The following MYH8 variants were observed in gnomAD, a reference collection of about 807,000 sequenced individuals.
MYH8 encodes the protein myosin-8.
In MYH8, 168 loss-of-function variants were observed where a neutral mutation model predicts 233.2. The observed-to-expected ratio is 0.72, with a 90% confidence interval of 0.64 to 0.82. The LOEUF (loss-of-function observed/expected upper bound fraction) is 0.82. Among genes scored for constraint, MYH8 ranks in the 40% least tolerant of loss-of-function variants. The pLI, the probability that MYH8 is intolerant of heterozygous loss-of-function variation, is 0.00. For missense variants in MYH8, 1,995 were observed against 2,327.8 expected (o/e 0.86, Z 2.94); for synonymous variants, 785 against 850.6 (o/e 0.92, Z 1.34).
At position 10,412,582 on chromosome 17, in the gene MYH8, G is replaced by A. The variant is rs1242377217; in HGVS notation, c.1266+28C>T. 7.4e-6 allele frequency: 12 copies of A among 1,614,076 alleles called. No homozygotes were observed. In the African/African-American group the frequency reaches 1.6e-4, roughly 22 times the overall value. On this transcript the variant is annotated intron_variant, in intron 13 of 39. Transcript: ENST00000403437. ...GACATGCCATGAAGGCCTGAGATGT[G>A]TGTGATTCATTGAGGTCATGCACTT...
chr17:10,409,278 C>T lies in MYH8; in HGVS notation c.1897+1G>A. On this transcript the variant is annotated splice_donor_variant, in intron 16 of 39. Transcript: ENST00000403437. LOFTEE classifies it high-confidence loss of function. The stretch of plus-strand genomic sequence containing the variant: ...ATTTAGATTAAGGACACAGAAAGTA[C>T]CTGCTTCAGCACTAGCATACGTGGA... 2 of 1,614,164 alleles carry T rather than the reference C, an allele frequency of 1.2e-6. No individual in the cohort carries two copies. The highest frequency in any genetic ancestry group is 1.7e-6 in the Non-Finnish European group (2 of 1,180,004).
intron 34 of MYH8, 64 bp from the exon 35 acceptor site, chr17:10,394,516 G>A: frequency 3.9e-6 from 6 of 1,548,348 alleles, no homozygotes; most frequent in Non-Finnish European, 5.3e-6. Flanking sequence ...CCCAGGAGAT[G>A]AACTGGGAGA....
chr17:10,398,683 T>C (rs1458348321), intron 29 of MYH8, 43 bp from the exon 30 acceptor site: 4 of 1,614,016 alleles, frequency 2.5e-6, no homozygotes, highest in Non-Finnish European at 3.4e-6. Context: ...ATGTATTCAG[T>C]GATATTTAAC....
rs776751622 is a variant in MYH8 at position 10,415,253 on chromosome 17, G to A, written c.741+39C>T. On this transcript the variant is annotated intron_variant, in intron 8 of 39. Transcript: ENST00000403437. The surrounding 1 kb of genome is among the most constrained non-coding windows in gnomAD (Gnocchi z 4.1). ...CAAATGAAATAATAATTCAGACGTGGCTACTCTGGAAGTTAGGGGTTGAGA... is the reference window on the plus strand; with the variant it reads ...CAAATGAAATAATAATTCAGACGTGACTACTCTGGAAGTTAGGGGTTGAGA... The A allele has an allele frequency of 3.7e-6, 6 of 1,603,250 alleles. No homozygotes were observed. In the African/African-American group the frequency reaches 6.7e-5, roughly 18 times the overall value.
chr17:10,420,288 A>G, intron 2 of MYH8, 31 bp from the exon 3 acceptor site: 1 of 1,573,732 alleles, frequency 6.4e-7, no homozygotes. Flanking sequence ...AGAGAGAGAT[A>G]TAAAAAGCAG....
chr17:10,398,994 G>GCA (rs2072107254), intron 28 of MYH8, 108 bp from the exon 29 acceptor site: 2 of 305,198 alleles, frequency 6.6e-6, no homozygotes, highest in South Asian at 4.4e-5. Flanking sequence ...ATGTGTGTGT[G>GCA]TATATATATA....
rs888776823 is a variant in MYH8 at position 10,412,657 on chromosome 17, C to T, written c.1219G>A (p.Val407Ile). The T allele has an allele frequency of 6.2e-7, 1 of 1,614,098 alleles. No homozygotes were observed. Among genetic ancestry groups the T allele is most frequent in the African/African-American group, 1.3e-5 (1 of 74,918 alleles). Residue 407 changes from valine to isoleucine, a missense_variant, in exon 13 of 40, where the codon GTC becomes ATC. Physicochemically the swap from Val to Ile is conservative, Grantham distance 29 (BLOSUM62 3). Transcript: ENST00000403437. ...DLLKALCYPR[V>I]KVGNEYVTKG... ...GTGACATACTCATTGCCAACCTTGA[C>T]CCTAGGGTAGCAGAGGGCTTTGAGT...
chr17:10,393,287 G>A (rs2072047461), intron 35 of MYH8, 77 bp from the exon 36 acceptor site: 10 of 1,551,862 alleles, frequency 6.4e-6, no homozygotes, highest in Admixed American at 1.7e-5. Flanking sequence ...TTACTTGTTG[G>A]TTCGTGCAGG....
chr17:10,399,996 G>A (rs1386798428), intron 27 of MYH8, among the ~76,000 whole-genome samples: 1 of 152,184 alleles, frequency 6.6e-6, no homozygotes, highest in Non-Finnish European at 1.5e-5. Flanking sequence ...GAGGTTAGGA[G>A]ATCGAGAGCA....
At chr17:10,413,412 T>G (rs2072261979) in intron 12 of MYH8, among the ~76,000 whole-genome samples, 1 of 152,190 alleles carries the variant, frequency 6.6e-6, no homozygotes, top group Non-Finnish European at 1.5e-5. Context: ...ATCTTTTTTC[T>G]CAATTCCTTT....
Position 10,400,655 on chromosome 17 carries a change from C to T in MYH8, c.3470G>A (p.Gly1157Asp). Reference sequence around the variant, plus strand: ...TTCCACCTGAGCAGAAGTTGCCCCACCGGCTTCTTCCAGCCTCTCGCTGAT... The same window carrying T: ...TTCCACCTGAGCAGAAGTTGCCCCATCGGCTTCTTCCAGCCTCTCGCTGAT... ...EEISERLEEA[G>D]GATSAQVELN... Residue 1157 changes from glycine (G) to aspartate (D), a missense_variant, in exon 27 of 40, where the codon GGT becomes GAT. Coordinates refer to ENST00000403437, the MANE Select transcript of MYH8 (RefSeq NM_002472.3). This position sits in a 1 kb window ranked among gnomAD's most constrained non-coding sequence, Gnocchi z 4.0. 1 of 1,614,240 alleles carries T rather than the reference C, an allele frequency of 6.2e-7. No individual in the cohort carries two copies. The highest frequency in any genetic ancestry group is 8.5e-7 in the Non-Finnish European group (1 of 1,180,042).
At position 10,396,905 on chromosome 17, in the gene MYH8, C is replaced by T. The variant is rs569728381; in HGVS notation, c.4260G>A (p.Thr1420=). 1.1e-5 allele frequency: 18 copies of T among 1,614,066 alleles called. No homozygotes were observed. Among genetic ancestry groups the T allele is most frequent in the Middle Eastern group, 3.3e-4 (2 of 6,084 alleles). ...CAACTTCATTCTGGAGCCGCTGCTT[C>T]GTCTTCTCAAGGGAAGCACATTTGG... is the stretch of plus-strand genomic sequence containing the variant. The part of the protein sequence containing the change: ...VNAKCASLEK[T]KQRLQNEVED... Residue 1420 remains threonine (T), a synonymous_variant, in exon 31 of 40, where the codon ACG becomes ACA. Transcript: ENST00000403437. This position sits in a 1 kb window ranked among gnomAD's most constrained non-coding sequence, Gnocchi z 4.2.
Position 10,400,098 on chromosome 17 carries a change from G to A in MYH8, c.3735+292C>T, listed in dbSNP as rs1215285205. On this transcript the variant is annotated intron_variant, in intron 27 of 39. Coordinates refer to ENST00000403437, the MANE Select transcript of MYH8 (RefSeq NM_002472.3). This position sits in a 1 kb window ranked among gnomAD's most constrained non-coding sequence, Gnocchi z 4.0. The stretch of plus-strand genomic sequence containing the variant: ...GGCGCCTGTAGTCCCAGCTACTGGG[G>A]AGGCTGAGGCAGGAGAGTGGCGTGA... 6.6e-6 allele frequency among the ~76,000 whole-genome samples: 1 copy of A among 152,176 alleles called. No individual in the cohort carries two copies. The highest frequency in any genetic ancestry group is 1.5e-5 in the Non-Finnish European group (1 of 68,028).
In MYH8 at chr17:10,406,034, T is replaced by G; in HGVS notation, c.2432+7A>C. The G allele has an allele frequency of 6.2e-7, 1 of 1,613,556 alleles. No individual in the cohort carries two copies. Among genetic ancestry groups the G allele is most frequent in the Non-Finnish European group, 8.5e-7 (1 of 1,179,680 alleles). On this transcript the variant is annotated splice_region_variant and intron_variant, in intron 21 of 39. Coordinates refer to ENST00000403437, the MANE Select transcript of MYH8 (RefSeq NM_002472.3). The stretch of plus-strand genomic sequence containing the variant: ...CTTATAATTCTGATATTCTGAATGA[T>G]TGTTACCTCCTTTGCAACATCTTCT...
Position 10,393,018 on chromosome 17 carries a change from T to C in MYH8, c.5293-17A>G, listed in dbSNP as rs745493875. On this transcript the variant is annotated splice_polypyrimidine_tract_variant and intron_variant, in intron 36 of 39. Coordinates refer to ENST00000403437, the MANE Select transcript of MYH8 (RefSeq NM_002472.3). ...CATGGCAGCCTATTTAGGAAATAAA[T>C]TAAGAAAGTAATGAAACTTGATGAT... 1 of 1,614,222 alleles carries C rather than the reference T, an allele frequency of 6.2e-7. No homozygotes were observed. Among genetic ancestry groups the C allele is most frequent in the Non-Finnish European group, 8.5e-7 (1 of 1,180,038 alleles).
chr17:10,409,536 G>A lies in MYH8; in HGVS notation c.1640C>T (p.Thr547Met), dbSNP rs149040691. 4.8e-5 allele frequency: 78 copies of A among 1,614,230 alleles called. No homozygotes were observed. In the South Asian group the frequency reaches 6.9e-4, roughly 14 times the overall value. ...LEEECMFPKA[T>M]DTSFKNKLYD... ...CAGCTTGTTCTTGAAGGAGGTGTCC[G>A]TTGCCTTAGGGAACATGCACTCCTC... Residue 547 changes from threonine (T) to methionine (M), a missense_variant, in exon 16 of 40, where the codon ACG becomes ATG. Coordinates refer to ENST00000403437, the MANE Select transcript of MYH8 (RefSeq NM_002472.3).
In MYH8 at chr17:10,398,519, T is replaced by G; in HGVS notation, c.4103A>C (p.Asn1368Thr). The change falls in exon 30 of 40, where the codon AAC becomes ACC. Residue 1368 changes from asparagine to threonine, a missense_variant. This residue lies in a region of MYH8 where 1,498 missense variants were observed against 1,680.9 expected (regional missense o/e 0.89). Coordinates refer to ENST00000403437, the MANE Select transcript of MYH8 (RefSeq NM_002472.3). ...AELQRALSKA[N>T]SEVAQWRTKY... Reference sequence around the variant, plus strand: ...GGTTCTCCACTGGGCAACCTCACTGTTGGCCTTGGACAGCGCCCTCTGCAG... The same window carrying G: ...GGTTCTCCACTGGGCAACCTCACTGGTGGCCTTGGACAGCGCCCTCTGCAG... 1 of 1,614,170 alleles carries G rather than the reference T, an allele frequency of 6.2e-7. No homozygotes were observed. The highest frequency in any genetic ancestry group is 1.7e-4 in the Middle Eastern group (1 of 6,058).
At chr17:10,392,760 T>C (rs918188067) in intron 37 of MYH8, 71 bp downstream of exon 37, 3 of 1,613,928 alleles carry the variant, frequency 1.9e-6, no homozygotes, top group African/African-American at 2.7e-5. Flanking sequence ...GGGAGTCTTG[T>C]GTAGGAAGAG....
Position 10,400,475 on chromosome 17 carries a change from T to A in MYH8, c.3650A>T (p.Lys1217Ile). The A allele has an allele frequency of 6.2e-7, 1 of 1,614,120 alleles. No individual in the cohort carries two copies. The highest frequency in any genetic ancestry group is 8.5e-7 in the Non-Finnish European group (1 of 1,179,978). The change falls in exon 27 of 40, where the codon AAA becomes ATA. Residue 1217 changes from lysine to isoleucine, a missense_variant. Lys to Ile is a moderately radical substitution (Grantham distance 102, BLOSUM62 -3). This residue lies in a region of MYH8 where 1,498 missense variants were observed against 1,680.9 expected (regional missense o/e 0.89). Transcript: ENST00000403437. This position sits in a 1 kb window ranked among gnomAD's most constrained non-coding sequence, Gnocchi z 4.0. ...GEQIDNLQRV[K>I]QKLEKEKSEL... ...ACTCTTCTCCTTCTCCAGCTTCTGT[T>A]TGACCCGCTGCAAGTTGTCAATCTG...
Sources: allele counts gnomAD v4.1 joint callset (sites outside exome capture counted in the v4.1 genomes callset), GRCh38; gene constraint gnomAD v4.1.1; regional missense constraint gnomAD v4.1.1; non-coding constraint Gnocchi (gnomAD v3.1); transcripts MANE v1.5; gene names NCBI Gene and HGNC (gene_info 2026-07-23, HGNC 2026-07-21).